The following IL18RAP variants were observed in gnomAD, a reference collection of about 807,000 sequenced individuals.
IL18RAP encodes the protein interleukin-18 receptor accessory protein.
In IL18RAP, 37 loss-of-function variants were observed where a neutral mutation model predicts 58.1. The ratio of observed to expected loss-of-function variants is 0.64; its 90% CI spans 0.49 to 0.84. IL18RAP has a LOEUF of 0.84. IL18RAP is among the 40% of genes least tolerant of loss of function. The pLI is 0.00. For synonymous variants in IL18RAP, 268 were observed against 257.5 expected (o/e 1.04, Z -0.39); for missense variants, 667 against 704.8 (o/e 0.95, Z 0.61).
Position 102,437,241 on chromosome 2 carries a change from C to T in IL18RAP, c.609C>T (p.Ser203=). 2 of 1,612,618 alleles carry T rather than the reference C, an allele frequency of 1.2e-6. No homozygotes were observed. The highest frequency in any genetic ancestry group is 1.7e-6 in the Non-Finnish European group (2 of 1,179,430). The change falls in exon 4 of 10, where the codon AGC becomes AGT. Residue 203 remains serine, a synonymous_variant. Coordinates refer to ENST00000687160, the MANE Select transcript of IL18RAP (RefSeq NM_001393487.1). ...GAAAACTCCTCTCTGTGGAAAGGAGCAACCGAATCGTAGTGGATGAAGTTT... is the reference window on the plus strand; with the variant it reads ...GAAAACTCCTCTCTGTGGAAAGGAGTAACCGAATCGTAGTGGATGAAGTTT... ...KNGKLLSVER[S]NRIVVDEVYD... is the part of the protein sequence containing the mutation.
intron 3 of IL18RAP, among the ~76,000 whole-genome samples, chr2:102,432,890 G>A (rs1398116830): frequency 6.6e-6 from 1 of 152,092 alleles, no homozygotes. Context: ...TTCTAAAAAT[G>A]TAATGAAAAA....
At position 102,452,172 on chromosome 2, in the gene IL18RAP, G is replaced by A; in HGVS notation, c.1791G>A (p.Lys597=). 6.2e-7 allele frequency: 1 copy of A among 1,602,912 alleles called. No homozygotes were observed. The highest frequency in any genetic ancestry group is 8.5e-7 in the Non-Finnish European group (1 of 1,174,836). The change falls in exon 10 of 10, where the codon AAG becomes AAA. Residue 597 remains lysine (K), a synonymous_variant. Coordinates refer to ENST00000687160, the MANE Select transcript of IL18RAP (RefSeq NM_001393487.1). ...TETTGRSSQP[K]EW The stretch of plus-strand genomic sequence containing the variant: ...CCACTGGGAGGAGCTCCCAGCCTAA[G>A]GAATGGTGAAATGAGCCCTGGAGCC...
chr2:102,443,089 G>A (rs931590991), intron 5 of IL18RAP, 111 bp from the exon 6 acceptor site: 3 of 1,023,994 alleles, frequency 2.9e-6, no homozygotes, highest in African/African-American at 1.6e-5. Context: ...TATTCTACCT[G>A]CAAACCTGAT....
chr2:102,423,294 G>A lies in IL18RAP; in HGVS notation c.17G>A (p.Trp6Ter). Reference sequence around the variant, plus strand: ...GGGAGAACAATGCTCTGTTTGGGCTGGATATTTCTTTGGCTTGTTGCAGGA... The same window carrying A: ...GGGAGAACAATGCTCTGTTTGGGCTAGATATTTCTTTGGCTTGTTGCAGGA... MLCLG[W>*]IFLWLVAGER... The change falls in exon 1 of 10, where the codon TGG (tryptophan) becomes TAG (stop). Residue 6 changes from tryptophan to a stop codon, truncating the protein, a stop_gained. Coordinates refer to ENST00000687160, the MANE Select transcript of IL18RAP (RefSeq NM_001393487.1). LOFTEE classifies it high-confidence loss of function. The A allele has an allele frequency of 1.2e-6, 2 of 1,614,038 alleles. No individual in the cohort carries two copies. Among genetic ancestry groups the A allele is most frequent in the Non-Finnish European group, 8.5e-7 (1 of 1,179,934 alleles).
chr2:102,425,315 C>G (rs557023091), intron 3 of IL18RAP, among the ~76,000 whole-genome samples: 1 of 152,012 alleles, frequency 6.6e-6, no homozygotes, highest in African/African-American at 2.4e-5. Context: ...TTAATGCACC[C>G]CAAATTTTAA....
rs1391757960 is a variant in IL18RAP, at chr2:102,424,231, G to C, written c.396G>C (p.Lys132Asn). The C allele has an allele frequency of 6.2e-7, 1 of 1,613,224 alleles. No individual in the cohort carries two copies. Among genetic ancestry groups the C allele is most frequent in the Non-Finnish European group, 8.5e-7 (1 of 1,179,704 alleles). Residue 132 changes from lysine to asparagine, a missense_variant and splice_region_variant, in exon 3 of 10, where the codon AAG becomes AAC. Coordinates refer to ENST00000687160, the MANE Select transcript of IL18RAP (RefSeq NM_001393487.1). ...GSYICRPKMI[K>N]SPYDVACCVK... is the part of the protein sequence containing the mutation. ...TCACAGGATCTTGTTAATTTCCTAG[G>C]AGCCCCTATGATGTAGCCTGTTGTG...
At chr2:102,446,958 TA>T in intron 7 of IL18RAP, 111 bp from the exon 8 acceptor site, 1 of 1,172,318 alleles carries the variant, frequency 8.5e-7, no homozygotes, top group Non-Finnish European at 1.2e-6. Flanking sequence ...ATGATTTTGA[TA>T]AAATAATAGA....
chr2:102,443,961 T>C (rs1187357414), intron 6 of IL18RAP, among the ~76,000 whole-genome samples: 1 of 152,146 alleles, frequency 6.6e-6, no homozygotes, highest in African/African-American at 2.4e-5. Context: ...CCCTAGATAT[T>C]TGGAGCTATC....
At chr2:102,435,272 G>A (rs555143617) in intron 3 of IL18RAP, 6 of 152,336 alleles carry the variant, frequency 3.9e-5, no homozygotes, top group Non-Finnish European at 4.4e-5. Context: ...TGAACTTTAT[G>A]AGTGTGAGTC....
rs139411373 is a variant in IL18RAP, at chr2:102,435,644, C to T, written c.580-1568C>T. On this transcript the variant is annotated intron_variant, in intron 3 of 9. Coordinates refer to ENST00000687160, the MANE Select transcript of IL18RAP (RefSeq NM_001393487.1). ...GTAGTGGAAGTCCAGCTAGGAGCTC[C>T]AGTGTGTTGTCCAAATCCAGGAAGT... 3.0e-3 allele frequency among the ~76,000 whole-genome samples: 464 copies of T among 152,238 alleles called. 3 individuals are homozygous for T. The highest frequency in any genetic ancestry group is 7.7e-3 in the South Asian group (37 of 4,828).
chr2:102,418,893 T>C (rs868421191), upstream of IL18RAP: 20 of 152,366 alleles, frequency 1.3e-4, no homozygotes, highest in African/African-American at 4.3e-4. Context: ...AAATAAGGAC[T>C]TGAAGTTCCT....
chr2:102,450,072 G>A (rs185403797), intron 8 of IL18RAP, among the ~76,000 whole-genome samples: 253 of 152,210 alleles, frequency 1.7e-3, no homozygotes, highest in Non-Finnish European at 3.1e-3. Context: ...TACTTTGACA[G>A]GGATTGTGGA....
At chr2:102,421,729 C>T (rs760406325), upstream of IL18RAP, among the ~76,000 whole-genome samples, 5 of 152,182 alleles carry the variant, frequency 3.3e-5, no homozygotes, top group Non-Finnish European at 7.3e-5. Context: ...TCTCAGCAGA[C>T]AGCCAGGTCA....
chr2:102,427,715 T>G (rs7605284), intron 3 of IL18RAP, among the ~76,000 whole-genome samples: 81,388 of 151,914 alleles, frequency 0.54, 23,724 homozygotes, highest in African/African-American at 0.74. Flanking sequence ...TATATCATTT[T>G]TCTATTTTTG....
Position 102,423,232 on chromosome 2 carries a change from C to G in IL18RAP, c.-46C>G. On this transcript the variant is annotated 5_prime_UTR_variant, in exon 1 of 10. Transcript: ENST00000687160. Reference sequence around the variant, plus strand: ...TGAATCTCAAAACACTCTACTCTGGCAAAGGAATGAAGTTATTGGAGTGAT... The same window carrying G: ...TGAATCTCAAAACACTCTACTCTGGGAAAGGAATGAAGTTATTGGAGTGAT... 6.4e-7 allele frequency: 1 copy of G among 1,564,084 alleles called. No individual in the cohort carries two copies. The highest frequency in any genetic ancestry group is 8.8e-7 in the Non-Finnish European group (1 of 1,134,580).
Position 102,445,302 on chromosome 2 carries a change from A to G in IL18RAP, c.1034A>G (p.Asn345Ser). ...FVCFVQNSIG[N>S]TTQSVQLKEK... ...TGCTTTGTCCAGAACTCCATTGGAAACACAACCCAGTCCGTCCAACTGAAA... is the reference window on the plus strand; with the variant it reads ...TGCTTTGTCCAGAACTCCATTGGAAGCACAACCCAGTCCGTCCAACTGAAA... The change falls in exon 7 of 10, where the codon AAC becomes AGC. Residue 345 changes from asparagine to serine, a missense_variant. By Grantham distance (46) the Asn-to-Ser change is conservative. Transcript: ENST00000687160. The G allele has an allele frequency of 6.2e-7, 1 of 1,614,246 alleles. No individual in the cohort carries two copies. Among genetic ancestry groups the G allele is most frequent in the Non-Finnish European group, 8.5e-7 (1 of 1,180,038 alleles).
At chr2:102,443,052 T>G in intron 5 of IL18RAP, 148 bp from the exon 6 acceptor site, 1 of 689,034 alleles carries the variant, frequency 1.5e-6, no homozygotes. Context: ...GAGAGCTGTG[T>G]AGACGTTTCA....
chr2:102,424,394 C>G lies in IL18RAP; in HGVS notation c.559C>G (p.Pro187Ala). The change falls in exon 3 of 10, where the codon CCA (proline) becomes GCA (alanine). Residue 187 changes from proline (P) to alanine (A), a missense_variant. Coordinates refer to ENST00000687160, the MANE Select transcript of IL18RAP (RefSeq NM_001393487.1). ...CAGCTGCCAAAGTGATGCACAAAGT[C>G]CAGCGGTAACCTGGTACAAGGTAAG... is the stretch of plus-strand genomic sequence containing the variant. Reference protein sequence around the residue: ...SLSCQSDAQSPAVTWYKNGKL... With the variant: ...SLSCQSDAQSAAVTWYKNGKL... 1.2e-6 allele frequency: 2 copies of G among 1,613,862 alleles called. No individual in the cohort carries two copies. Among genetic ancestry groups the G allele is most frequent in the South Asian group, 2.2e-5 (2 of 91,064 alleles).
chr2:102,440,356 A>G (rs1265026323), intron 4 of IL18RAP: 1 of 152,288 alleles, frequency 6.6e-6, no homozygotes, highest in Non-Finnish European at 1.5e-5. Context: ...AAAGTAGACG[A>G]AAAATGTGAT....
Sources: allele counts gnomAD v4.1 joint callset (sites outside exome capture counted in the v4.1 genomes callset), GRCh38; gene constraint gnomAD v4.1.1; transcripts MANE v1.5; gene names NCBI Gene and HGNC (gene_info 2026-07-23, HGNC 2026-07-21).